The following SLC17A5 variants were observed in gnomAD, a reference collection of about 807,000 sequenced individuals.
The protein encoded by SLC17A5 is solute carrier family 17 member 5.
Under a neutral mutation model 59.4 loss-of-function variants are expected in SLC17A5, and 47 were observed. That is an observed-to-expected ratio of 0.79 (90% CI 0.63 to 1.01). The LOEUF (loss-of-function observed/expected upper bound fraction) is 1.01. Ranked by LOEUF, SLC17A5 falls within the 50% of genes least tolerant of loss-of-function variation. SLC17A5 has a pLI of 0.00. For missense variants in SLC17A5, 522 were observed against 595.5 expected, an observed-to-expected ratio of 0.88 and a Z score of 1.28; for synonymous variants, 202 against 210.7, an observed-to-expected ratio of 0.96 and a Z score of 0.36.
At chr6:73,634,978 G>A (rs1768926414) in intron 6 of SLC17A5, among the ~76,000 whole-genome samples, 1 of 151,628 alleles carries the variant, frequency 6.6e-6, no homozygotes, top group Non-Finnish European at 1.5e-5. Flanking sequence ...TACACTAAAA[G>A]GTTTTAAAAT....
chr6:73,635,391 T>C lies in SLC17A5; in HGVS notation c.810A>G (p.Leu270=). The C allele has an allele frequency of 6.5e-7, 1 of 1,548,992 alleles. No individual in the cohort carries two copies. The highest frequency in any genetic ancestry group is 8.9e-7 in the Non-Finnish European group (1 of 1,122,818). Residue 270 remains leucine (L), a synonymous_variant, in exon 6 of 11, where the codon TTA becomes TTG. Transcript: ENST00000355773. ...HYEKEYILSS[L]RNQLSSQKSV... ...GTGTCAAAGTCCATACCTGATTTCT[T>C]AATGATGAAAGAATGTATTCCTTTT...
At chr6:73,626,860 C>G (rs1267679805) in intron 6 of SLC17A5, among the ~76,000 whole-genome samples, 1 of 152,160 alleles carries the variant, frequency 6.6e-6, no homozygotes, top group Non-Finnish European at 1.5e-5. Flanking sequence ...CAACCTCCGC[C>G]TCCTGGGTTC....
chr6:73,642,517 G>T (rs74461321), intron 2 of SLC17A5, among the ~76,000 whole-genome samples: 1 of 152,162 alleles, frequency 6.6e-6, no homozygotes, highest in Admixed American at 6.5e-5. Context: ...CATAAATGTA[G>T]ATATTAATAA....
Position 73,645,293 on chromosome 6 carries a change from A to AAG in SLC17A5, c.95-692_95-691dup, listed in dbSNP as rs1487634924. The AAG allele has an allele frequency of 3.0e-6, 3 of 984,604 alleles. No individual in the cohort carries two copies. In the African/African-American group the frequency reaches 5.2e-5, roughly 17 times the overall value. 61.0% of individuals were successfully genotyped at this position (984,604 alleles called of 1,614,324 possible). ...TTCTCTTGATAAATTTCTTACCTCG[A>AAG]AGAGTATCCTCAAAGGCTGGGTTTG... is the stretch of plus-strand genomic sequence containing the variant. On this transcript the variant is annotated intron_variant, in intron 1 of 10. Coordinates refer to ENST00000355773, the MANE Select transcript of SLC17A5 (RefSeq NM_012434.5).
rs71000140 is a variant in SLC17A5 at position 73,632,291 on chromosome 6, CAAAAAAAAAAA to C, written c.819+3080_819+3090del. 2.5e-4 allele frequency among the ~76,000 whole-genome samples: 16 copies of C among 63,720 alleles called. No homozygotes were observed. The East Asian group carries it at 3.7e-3, about 15-fold the overall frequency. 41.8% of individuals were successfully genotyped at this position (63,720 alleles called of 152,430 possible). A position where few individuals can be genotyped will look rare whatever the true frequency, so the allele number is the denominator to read the frequency against. On this transcript the variant is annotated intron_variant, in intron 6 of 10. Coordinates refer to ENST00000355773, the MANE Select transcript of SLC17A5 (RefSeq NM_012434.5). ...TCCAGCCTGGGCACTGAGCTAGACTCAAAAAAAAAAAAAAAAAAAAAAAGGAATGCAATCTG... is the reference window on the plus strand; with the variant it reads ...TCCAGCCTGGGCACTGAGCTAGACTCAAAAAAAAAAAAGGAATGCAATCTG...
chr6:73,606,975 A>G (rs764493483), intron 9 of SLC17A5, among the ~76,000 whole-genome samples: 2 of 152,294 alleles, frequency 1.3e-5, no homozygotes, highest in Middle Eastern at 3.4e-3. Flanking sequence ...CTGTTTTGCC[A>G]TTTTGGCTCT....
chr6:73,616,498 GGTGCCCAGTAAAACAATA>G (rs1490335075), intron 7 of SLC17A5, among the ~76,000 whole-genome samples: 1 of 145,990 alleles, frequency 6.8e-6, no homozygotes, highest in African/African-American at 2.6e-5. Context: ...AAAATTTATC[GGTGCCCAGTAAAACAATA>G]ACTCAAAAGT....
intron 8 of SLC17A5, among the ~76,000 whole-genome samples, chr6:73,615,012 G>C (rs1767791769): frequency 6.6e-6 from 1 of 152,130 alleles, no homozygotes; most frequent in Non-Finnish European, 1.5e-5. Context: ...CTTGTGATTG[G>C]TATCCGAAGT....
Position 73,595,181 on chromosome 6 carries a change from T to A in SLC17A5, c.1384A>T (p.Ile462Phe). The change falls in exon 11 of 11, where the codon ATT (isoleucine) becomes TTT (phenylalanine). Residue 462 changes from isoleucine to phenylalanine, a missense_variant. Transcript: ENST00000355773. ...CCAAAAACATTAATAGCAGCAGCAA[T>A]ATAGAACACGGTTTGCCATTCTCCA... ...TVGEWQTVFYIAAAINVFGAI... is the reference protein window; with the variant it reads ...TVGEWQTVFYFAAAINVFGAI... The A allele has an allele frequency of 6.2e-7, 1 of 1,614,146 alleles. No homozygotes were observed. Among genetic ancestry groups the A allele is most frequent in the Non-Finnish European group, 8.5e-7 (1 of 1,180,012 alleles).
chr6:73,649,267 G>C (rs1256227088), intron 1 of SLC17A5, among the ~76,000 whole-genome samples: 1 of 152,126 alleles, frequency 6.6e-6, no homozygotes. Context: ...CAAAGCATTG[G>C]GATTACAGGC....
chr6:73,645,765 G>A (rs1276113723), intron 1 of SLC17A5, among the ~76,000 whole-genome samples: 1 of 145,736 alleles, frequency 6.9e-6, no homozygotes, highest in Admixed American at 7.0e-5. Context: ...TCCAGCCTGG[G>A]CGACAGAGAC....
chr6:73,628,020 A>G (rs529097664), intron 6 of SLC17A5, among the ~76,000 whole-genome samples: 6 of 151,294 alleles, frequency 4.0e-5, no homozygotes, highest in Admixed American at 1.3e-4. Flanking sequence ...CCTGGGCTCT[A>G]GTGATCCTCT....
intron 9 of SLC17A5, among the ~76,000 whole-genome samples, chr6:73,607,134 A>C (rs1227571071): frequency 1.3e-5 from 2 of 152,220 alleles, no homozygotes; most frequent in African/African-American, 4.8e-5. Flanking sequence ...CATCTATTGC[A>C]TTATATGCAA....
At chr6:73,618,191 T>C (rs1227588135) in intron 7 of SLC17A5, among the ~76,000 whole-genome samples, 9 of 151,176 alleles carry the variant, frequency 6.0e-5, no homozygotes, top group Non-Finnish European at 1.3e-4. Flanking sequence ...GTCGTACCAC[T>C]GAACTCTAGC....
chr6:73,635,265 C>T (rs1768941130), intron 6 of SLC17A5, 117 bp downstream of exon 6: 2 of 645,190 alleles, frequency 3.1e-6, no homozygotes, highest in Admixed American at 4.7e-5. Context: ...TTTCATTTGC[C>T]TATTCTACTT....
chr6:73,634,221 G>A (rs531401538), intron 6 of SLC17A5, among the ~76,000 whole-genome samples: 62 of 152,180 alleles, frequency 4.1e-4, no homozygotes, highest in African/African-American at 1.4e-3. Context: ...GCAAACAGAT[G>A]TATATCATAT....
At chr6:73,645,443 G>A (rs1769491501) in intron 1 of SLC17A5, 1 of 985,214 alleles carries the variant, frequency 1.0e-6, no homozygotes. Flanking sequence ...GTTATCAAGC[G>A]TAAAGGGCTC....
In SLC17A5 at chr6:73,641,772, G is replaced by C. The variant is rs754150320; in HGVS notation, c.444C>G (p.Val148=). The change falls in exon 3 of 11, where the codon GTC becomes GTG. Residue 148 remains valine (V), a synonymous_variant. Transcript: ENST00000355773. ...LLGFGILGTA[V]LTLFTPIAAD... is the part of the protein sequence containing the mutation. ...CAGCAATGGGAGTGAACAGGGTGAGGACAGCAGTGCCAAGGATCCCAAATC... is the reference window on the plus strand; with the variant it reads ...CAGCAATGGGAGTGAACAGGGTGAGCACAGCAGTGCCAAGGATCCCAAATC... 4 of 1,614,090 alleles carry C rather than the reference G, an allele frequency of 2.5e-6. No homozygotes were observed. The South Asian group carries it at 4.4e-5, about 18-fold the overall frequency.
At chr6:73,606,085 C>T (rs1411508883) in intron 9 of SLC17A5, among the ~76,000 whole-genome samples, 2 of 151,944 alleles carry the variant, frequency 1.3e-5, no homozygotes, top group Non-Finnish European at 2.9e-5. Context: ...CTCTGCAGCC[C>T]AGGCTGGAGT....
Sources: allele counts gnomAD v4.1 joint callset (sites outside exome capture counted in the v4.1 genomes callset), GRCh38; gene constraint gnomAD v4.1.1; transcripts MANE v1.5; gene names NCBI Gene and HGNC (gene_info 2026-07-23, HGNC 2026-07-21).